TBXAS1: variants seen among roughly 807,000 people sequenced by gnomAD.
TBXAS1 encodes thromboxane-A synthase.
A neutral mutation model predicts 60.7 loss-of-function variants in TBXAS1; 48 were observed. That is an observed-to-expected ratio of 0.79 (90% CI 0.63 to 1.01). TBXAS1 has a LOEUF of 1.01. Among genes scored for constraint, TBXAS1 ranks in the 50% least tolerant of loss-of-function variants. TBXAS1 has a pLI of 0.00. For synonymous variants in TBXAS1, 287 were observed against 269.7 expected (o/e 1.06, Z -0.63); for missense variants, 685 against 686.3 (o/e 1.00, Z 0.02).
In TBXAS1 at chr7:139,951,950, A is replaced by AAAAAGAAAG. The variant is rs1221006411; in HGVS notation, c.451-1415_451-1414insAGAAAGAAA. ...GAAAGAGAGAAAGAAGGAAAGAAAG[A>AAAAAGAAAG]AAAGAAAGAAAGAAAGAAAGAAAGA... is the stretch of plus-strand genomic sequence containing the variant. On this transcript the variant is annotated intron_variant, in intron 5 of 12. Coordinates refer to ENST00000448866, the MANE Select transcript of TBXAS1 (RefSeq NM_001061.7). Among the ~76,000 whole-genome samples, 76 of 41,998 alleles carry AAAAAGAAAG rather than the reference A, an allele frequency of 1.8e-3. 3 individuals are homozygous for AAAAAGAAAG. Among genetic ancestry groups the AAAAAGAAAG allele is most frequent in the South Asian group, 4.6e-3 (5 of 1,078 alleles). The allele number at this position is 41,998 out of a possible 152,430, so 27.6% of individuals were successfully genotyped here. A position where few individuals can be genotyped will look rare whatever the true frequency, so the allele number is the denominator to read the frequency against.
chr7:139,948,454 C>T (rs958216719), intron 5 of TBXAS1, among the ~76,000 whole-genome samples: 3 of 152,272 alleles, frequency 2.0e-5, no homozygotes, highest in East Asian at 3.9e-4. Context: ...GGAGTTGGGG[C>T]TTCAATGTAT....
chr7:139,798,513 C>T lies in TBXAS1; in HGVS notation c.-80+11087C>T, dbSNP rs1418249673. The stretch of plus-strand genomic sequence containing the variant: ...ACAAAATGCAAGTCAGCTGGGCTAA[C>T]GCTGAAAAATAGTGATCTGTGTCAG... On this transcript the variant is annotated intron_variant, in intron 4 of 16. Coordinates refer to the TBXAS1 transcript ENST00000336425. Among the ~76,000 whole-genome samples, 4 of 152,228 alleles carry T rather than the reference C, an allele frequency of 2.6e-5. No individual in the cohort carries two copies. In the East Asian group the frequency reaches 5.8e-4, roughly 22 times the overall value.
intron 4 of TBXAS1, among the ~76,000 whole-genome samples, chr7:139,790,163 T>C (rs1569490204): frequency 6.6e-6 from 1 of 152,246 alleles, no homozygotes; most frequent in Non-Finnish European, 1.5e-5. Context: ...GTGGGAATCA[T>C]TCTATCCCAA....
chr7:139,895,593 C>T (rs1179227427), intron 3 of TBXAS1, among the ~76,000 whole-genome samples: 3 of 152,246 alleles, frequency 2.0e-5, no homozygotes, highest in Non-Finnish European at 4.4e-5. Context: ...AAGGAGCTAA[C>T]AGCTGGAGGC....
At chr7:139,874,618 C>T (rs1169180856) in intron 2 of TBXAS1, among the ~76,000 whole-genome samples, 1 of 152,172 alleles carries the variant, frequency 6.6e-6, no homozygotes, top group Non-Finnish European at 1.5e-5. Flanking sequence ...CCCAACTTTC[C>T]ACCTTCATTC....
At chr7:140,002,055 C>G (rs376067195) in intron 9 of TBXAS1, among the ~76,000 whole-genome samples, 1 of 152,204 alleles carries the variant, frequency 6.6e-6, no homozygotes, top group Non-Finnish European at 1.5e-5. Flanking sequence ...TTTAAAGTTA[C>G]GTCTCCCGGG....
chr7:139,877,201 C>T (rs1003161173), intron 3 of TBXAS1, among the ~76,000 whole-genome samples: 1 of 152,120 alleles, frequency 6.6e-6, no homozygotes, highest in African/African-American at 2.4e-5. Flanking sequence ...GATGGACGAG[C>T]GGGGAGGCAA....
intron 10 of TBXAS1, among the ~76,000 whole-genome samples, chr7:140,008,030 G>T (rs1007585214): frequency 6.6e-6 from 1 of 152,184 alleles, no homozygotes; most frequent in Admixed American, 6.5e-5. Context: ...TCAGGCTCTA[G>T]AAACAGAAGC....
At chr7:139,957,875 C>A in intron 8 of TBXAS1, 111 bp downstream of exon 8, 1 of 1,467,696 alleles carries the variant, frequency 6.8e-7, no homozygotes, top group Non-Finnish European at 9.3e-7. Flanking sequence ...CCGTGCCGTC[C>A]TTCAGCAACC....
At chr7:139,873,212 A>C (rs1013145895) in intron 2 of TBXAS1, among the ~76,000 whole-genome samples, 12 of 152,232 alleles carry the variant, frequency 7.9e-5, no homozygotes, top group African/African-American at 2.9e-4. Flanking sequence ...CAGGTTGACC[A>C]GCAGCCTGGA....
At chr7:139,909,802 C>T (rs17161230) in intron 3 of TBXAS1, among the ~76,000 whole-genome samples, 3,696 of 152,282 alleles carry the variant, frequency 0.024, 153 homozygotes, top group African/African-American at 0.084. Context: ...GATACACCAG[C>T]GATCAAATTA....
intron 11 of TBXAS1, chr7:140,016,625 G>A (rs1394482726): frequency 1.3e-5 from 2 of 159,212 alleles, no homozygotes; most frequent in South Asian, 1.9e-4. Flanking sequence ...TGATCCACTG[G>A]TTGACCTGGG....
intron 10 of TBXAS1, among the ~76,000 whole-genome samples, chr7:140,008,739 A>G (rs1416996377): frequency 6.6e-6 from 1 of 152,164 alleles, no homozygotes; most frequent in Non-Finnish European, 1.5e-5. Flanking sequence ...GTGAGCCACC[A>G]ATCCCAGCCT....
chr7:139,822,181 A>G (rs773820583), intron 4 of TBXAS1, among the ~76,000 whole-genome samples: 1 of 152,234 alleles, frequency 6.6e-6, no homozygotes, highest in African/African-American at 2.4e-5. Flanking sequence ...AGGTCATTTG[A>G]AAACAAAAAG....
At chr7:139,812,464 C>T (rs1798042061) in intron 4 of TBXAS1, among the ~76,000 whole-genome samples, 2 of 152,150 alleles carry the variant, frequency 1.3e-5, no homozygotes, top group African/African-American at 4.8e-5. Context: ...GAAGTTCAGA[C>T]AAACATAAGG....
At chr7:139,889,302 C>T (rs1040829629) in intron 3 of TBXAS1, among the ~76,000 whole-genome samples, 120 of 150,730 alleles carry the variant, frequency 8.0e-4, no homozygotes, top group Non-Finnish European at 5.0e-4. Flanking sequence ...TCACTGTAAT[C>T]CTGTCGAAAA....
At position 139,975,955 on chromosome 7, in the gene TBXAS1, C is replaced by T. The variant is rs1811532729; in HGVS notation, c.1134+13722C>T. ...TTCTGCCACAGCAGGCACTCTGCTTCGTGCCTTTCTCACTTCCATTTGTAA... is the reference window on the plus strand; with the variant it reads ...TTCTGCCACAGCAGGCACTCTGCTTTGTGCCTTTCTCACTTCCATTTGTAA... On this transcript the variant is annotated intron_variant, in intron 9 of 12. Coordinates refer to ENST00000448866, the MANE Select transcript of TBXAS1 (RefSeq NM_001061.7). The surrounding 1 kb of genome is among the most constrained non-coding windows in gnomAD (Gnocchi z 4.4). 1.3e-5 allele frequency among the ~76,000 whole-genome samples: 2 copies of T among 152,236 alleles called. No homozygotes were observed. The highest frequency in any genetic ancestry group is 2.9e-5 in the Non-Finnish European group (2 of 68,042).
chr7:139,836,078 A>C (rs998844932), intron 1 of TBXAS1, among the ~76,000 whole-genome samples: 6 of 149,488 alleles, frequency 4.0e-5, no homozygotes, highest in African/African-American at 1.5e-4. Context: ...AAATAAATAA[A>C]TAAATAAAAT....
chr7:139,964,566 C>A (rs939185498), intron 9 of TBXAS1, among the ~76,000 whole-genome samples: 1 of 152,194 alleles, frequency 6.6e-6, no homozygotes, highest in Non-Finnish European at 1.5e-5. Context: ...GGAAGCCCAG[C>A]GCTCTGGTCT....
Sources: gnomAD v4.1 joint callset for allele counts (sites outside exome capture counted in the v4.1 genomes callset) on GRCh38, gnomAD v4.1.1 for gene constraint, Gnocchi (gnomAD v3.1) non-coding constraint, MANE v1.5 for transcripts, NCBI Gene and HGNC (gene_info 2026-07-23, HGNC 2026-07-21) for gene names.